TM2D3: variants seen among roughly 807,000 people sequenced by gnomAD.
TM2D3 encodes TM2 domain containing 3, also known as TM2 domain-containing protein 3.
Under a neutral mutation model 27.3 loss-of-function variants are expected in TM2D3, and 33 were observed. The ratio of observed to expected loss-of-function variants is 1.21; its 90% CI spans 0.92 to 1.61. TM2D3 has a LOEUF of 1.61. TM2D3 is among the 40% of genes most tolerant of loss of function. TM2D3 has a pLI of 0.00. For missense variants in TM2D3, 364 were observed against 320.8 expected (o/e 1.13, Z -1.03); for synonymous variants, 138 against 122.2 (o/e 1.13, Z -0.85).
chr15:101,644,279 T>C (rs1596263920), intron 5 of TM2D3, among the ~76,000 whole-genome samples: 1 of 152,172 alleles, frequency 6.6e-6, no homozygotes, highest in Non-Finnish European at 1.5e-5. Flanking sequence ...AGGGGCAATT[T>C]TGTCCCCTAG....
chr15:101,642,875 C>T (rs1896704608), intron 5 of TM2D3, among the ~76,000 whole-genome samples: 1 of 152,004 alleles, frequency 6.6e-6, no homozygotes, highest in South Asian at 2.1e-4. Context: ...ACTAAAAAAC[C>T]AATGTTTTCT....
At chr15:101,637,085 A>G (rs1315196481), downstream of TM2D3, among the ~76,000 whole-genome samples, 1 of 152,240 alleles carries the variant, frequency 6.6e-6, no homozygotes, top group African/African-American at 2.4e-5. Context: ...TACATGTAAG[A>G]TGCAGACTGG....
intron 5 of TM2D3, 102 bp from the exon 6 acceptor site, chr15:101,642,746 CCCCT>C (rs1896700976): frequency 1.0e-6 from 1 of 975,788 alleles, no homozygotes; most frequent in African/African-American, 1.7e-5. Flanking sequence ...GAAAGGGCTT[CCCCT>C]GATCGTAGCC....
At chr15:101,636,925 GAGT>G (rs1460460388), downstream of TM2D3, 1 of 442,884 alleles carries the variant, frequency 2.3e-6, no homozygotes, top group East Asian at 7.4e-5. Flanking sequence ...TGTCGATGAA[GAGT>G]CCAACTCTGT....
chr15:101,646,939 T>A, intron 3 of TM2D3, 40 bp from the exon 4 acceptor site: 1 of 1,610,632 alleles, frequency 6.2e-7, no homozygotes. Flanking sequence ...ATCACAATGG[T>A]GTAGTCTGTT....
At chr15:101,648,827 C>G (rs1005779185) in intron 3 of TM2D3, among the ~76,000 whole-genome samples, 1 of 146,996 alleles carries the variant, frequency 6.8e-6, no homozygotes, top group African/African-American at 2.7e-5. Flanking sequence ...ATGAGCAATG[C>G]AGCTAAAAAA....
chr15:101,647,160 G>A (rs1896836085), intron 3 of TM2D3, among the ~76,000 whole-genome samples: 1 of 152,098 alleles, frequency 6.6e-6, no homozygotes, highest in South Asian at 2.1e-4. Flanking sequence ...AAATAGCAAA[G>A]GTTATTTCAG....
chr15:101,649,609 A>T (rs1481502176), intron 3 of TM2D3, among the ~76,000 whole-genome samples: 6 of 152,244 alleles, frequency 3.9e-5, no homozygotes, highest in Non-Finnish European at 8.8e-5. Flanking sequence ...CTGGCCCTTC[A>T]AAAGCTCATC....
chr15:101,636,828 T>C, intron 4 of TM2D3: 1 of 354,514 alleles, frequency 2.8e-6, no homozygotes, highest in Non-Finnish European at 5.7e-6. Flanking sequence ...TCATCAATAC[T>C]TGTTATTGTG....
chr15:101,633,532 G>T, exon 5 of TM2D3: 1 of 600,672 alleles, frequency 1.7e-6, no homozygotes, highest in Non-Finnish European at 2.7e-6. Flanking sequence ...ATGTGTTCCT[G>T]AATAAGCAGT....
chr15:101,652,283 G>A lies in TM2D3; in HGVS notation c.79C>T (p.Leu27=), dbSNP rs746320444. 7.5e-6 allele frequency: 12 copies of A among 1,605,284 alleles called. No homozygotes were observed. Among genetic ancestry groups the A allele is most frequent in the Admixed American group, 3.4e-5 (2 of 59,696 alleles). Residue 27 remains leucine (L), a synonymous_variant, in exon 1 of 6, where the codon CTG becomes TTG. Transcript: ENST00000333202. ...GCCTTTGACTCACCACCGCCCGACA[G>A]AATGCAGAACTGCGAGAGGAAGAGC... ...VLLFLSQFCI[L]SGGEQSQALA...
chr15:101,652,043 C>G (rs1461421048), intron 1 of TM2D3: 1 of 558,864 alleles, frequency 1.8e-6, no homozygotes, highest in African/African-American at 2.0e-5. Flanking sequence ...ATCTCCGTGC[C>G]AGGGCTCCGC....
chr15:101,647,841 C>T (rs1291945069), intron 3 of TM2D3, among the ~76,000 whole-genome samples: 1 of 152,072 alleles, frequency 6.6e-6, no homozygotes, highest in Non-Finnish European at 1.5e-5. Context: ...TGTGGTCACA[C>T]ATCTCTGGAA....
rs141771048 is a variant in TM2D3 at position 101,644,761 on chromosome 15, C to T, written c.578+326G>A. Reference sequence around the variant, plus strand: ...AGTTTTCAGTGTTCATCATGTATTACTTTTTATAATAGTTACTTAAAATTA... The same window carrying T: ...AGTTTTCAGTGTTCATCATGTATTATTTTTTATAATAGTTACTTAAAATTA... On this transcript the variant is annotated intron_variant, in intron 5 of 5. Coordinates refer to ENST00000333202, the MANE Select transcript of TM2D3 (RefSeq NM_078474.3). Among the ~76,000 whole-genome samples, 117 of 152,258 alleles carry T rather than the reference C, an allele frequency of 7.7e-4. 3 individuals carry two copies. In the East Asian group the frequency reaches 0.018, roughly 23 times the overall value.
rs376907195 is a variant in TM2D3, at chr15:101,652,331, G to A, written c.31C>T (p.Leu11Phe). Residue 11 changes from leucine (L) to phenylalanine (F), a missense_variant, in exon 1 of 6, where the codon CTC becomes TTC. Physicochemically the swap from Leu to Phe is conservative, Grantham distance 22. Coordinates refer to ENST00000333202, the MANE Select transcript of TM2D3 (RefSeq NM_078474.3). ...AGCAGCACGCGACACAAGGCGCGGA[G>A]GCCCCTCAGCGGGAGCACCCCTCCC... MAGGVLPLRG[L>F]RALCRVLLFL... 715 of 1,602,050 alleles carry A rather than the reference G, an allele frequency of 4.5e-4. 3 individuals carry two copies. In the South Asian group the frequency reaches 6.4e-3, roughly 14 times the overall value.
At chr15:101,646,439 G>C in intron 4 of TM2D3, 1 of 199,928 alleles carries the variant, frequency 5.0e-6, no homozygotes, top group Non-Finnish European at 1.1e-5. Context: ...AATGGTATTG[G>C]TGCTGCTTTC....
At chr15:101,649,854 T>A (rs568265) in intron 3 of TM2D3, 150 bp downstream of exon 3, 532,789 of 760,374 alleles carry the variant, frequency 0.7, 192,032 homozygotes, top group Non-Finnish European at 0.75. Context: ...TTGGGTTTTT[T>A]AATTTATTTC....
At chr15:101,644,324 C>G (rs115647640) in intron 5 of TM2D3, among the ~76,000 whole-genome samples, 58 of 152,286 alleles carry the variant, frequency 3.8e-4, no homozygotes, top group African/African-American at 1.2e-3. Context: ...CACACTGTCA[C>G]AGCTGCAAGG....
At chr15:101,648,465 T>A (rs189377128) in intron 3 of TM2D3, among the ~76,000 whole-genome samples, 13 of 152,320 alleles carry the variant, frequency 8.5e-5, no homozygotes, top group East Asian at 7.7e-4. Flanking sequence ...ACACTTTTTT[T>A]AATGGTTTTT....
Sources: allele counts gnomAD v4.1 joint callset (sites outside exome capture counted in the v4.1 genomes callset), GRCh38; gene constraint gnomAD v4.1.1; transcripts MANE v1.5; gene names NCBI Gene and HGNC (gene_info 2026-07-23, HGNC 2026-07-21).